MTMR2: variants seen among roughly 807,000 people sequenced by gnomAD.
MTMR2 encodes myotubularin related protein 2.
Under a neutral mutation model 86.9 loss-of-function variants are expected in MTMR2, and 55 were observed. The ratio of observed to expected loss-of-function variants is 0.63; its 90% CI spans 0.51 to 0.79. The LOEUF (loss-of-function observed/expected upper bound fraction) is 0.79, where lower values mean the gene tolerates loss of function less well. Among genes scored for constraint, MTMR2 ranks in the 30% least tolerant of loss-of-function variants. MTMR2 has a pLI of 0.00. For missense variants in MTMR2, 659 were observed against 772.3 expected, an observed-to-expected ratio of 0.85 and a Z score of 1.74; for synonymous variants, 241 against 266.8, an observed-to-expected ratio of 0.90 and a Z score of 0.94.
chr11:95,837,064 C>T (rs897042711), intron 13 of MTMR2, among the ~76,000 whole-genome samples: 22 of 151,930 alleles, frequency 1.4e-4, no homozygotes, highest in Admixed American at 1.3e-3. Flanking sequence ...AAAAATAAAA[C>T]TCTTCGAAAC....
intron 13 of MTMR2, among the ~76,000 whole-genome samples, chr11:95,836,601 A>ATG (rs2135403186): frequency 6.6e-6 from 1 of 152,178 alleles, no homozygotes; most frequent in Admixed American, 6.6e-5. Flanking sequence ...TAGATGTTCA[A>ATG]AGCAGCATTA....
chr11:95,918,804 GAAAAACAACATAAA>G (rs1439124125), intron 1 of MTMR2, among the ~76,000 whole-genome samples: 2 of 152,102 alleles, frequency 1.3e-5, no homozygotes, highest in African/African-American at 2.4e-5. Context: ...ACCACTACTA[GAAAAACAACATAAA>G]AGCATATTTC....
chr11:95,908,422 AT>A (rs1418978268), intron 1 of MTMR2, among the ~76,000 whole-genome samples: 1 of 152,150 alleles, frequency 6.6e-6, no homozygotes, highest in Non-Finnish European at 1.5e-5. Flanking sequence ...ACCCTAAGCA[AT>A]TTACAGATTC....
intron 6 of MTMR2, among the ~76,000 whole-genome samples, chr11:95,857,941 C>G (rs1246920506): frequency 6.6e-6 from 1 of 152,106 alleles, no homozygotes; most frequent in African/African-American, 2.4e-5. Context: ...AAAGACATTA[C>G]ATTTAAACAC....
At chr11:95,905,501 G>A (rs1866239235) in intron 1 of MTMR2, among the ~76,000 whole-genome samples, 1 of 151,992 alleles carries the variant, frequency 6.6e-6, no homozygotes, top group Non-Finnish European at 1.5e-5. Flanking sequence ...TAAATTTAGA[G>A]CAAAAAACAA....
intron 3 of MTMR2, 37 bp downstream of exon 3, chr11:95,865,564 C>T (rs111578224): frequency 9.1e-6 from 14 of 1,541,840 alleles, no homozygotes; most frequent in African/African-American, 6.8e-5. Context: ...CACAGTAGAA[C>T]GGAGAAGGAC....
chr11:95,912,977 T>C (rs1293614868), intron 1 of MTMR2: 1 of 152,158 alleles, frequency 6.6e-6, no homozygotes, highest in Non-Finnish European at 1.5e-5. Flanking sequence ...CTCATTTTCG[T>C]AAGCATGAAA....
At chr11:95,841,162 T>C (rs1863529955) in intron 12 of MTMR2, among the ~76,000 whole-genome samples, 1 of 152,180 alleles carries the variant, frequency 6.6e-6, no homozygotes, top group Non-Finnish European at 1.5e-5. Flanking sequence ...ATGTAGTATG[T>C]GCCTCCCTTG....
chr11:95,917,805 G>A (rs72967779), intron 1 of MTMR2, among the ~76,000 whole-genome samples: 1,530 of 152,292 alleles, frequency 0.01, 7 homozygotes, highest in Non-Finnish European at 0.017. Flanking sequence ...AAAAGGAGGG[G>A]TTGGTCTTGC....
At chr11:95,879,729 A>T (rs530828721) in intron 2 of MTMR2, among the ~76,000 whole-genome samples, 1 of 152,228 alleles carries the variant, frequency 6.6e-6, no homozygotes, top group East Asian at 1.9e-4. Context: ...TTCATTTCAG[A>T]CTGCACATAT....
In MTMR2 at chr11:95,924,013, A is replaced by G; in HGVS notation, c.-59T>C. On this transcript the variant is annotated 5_prime_UTR_variant, in exon 1 of 15. Coordinates refer to ENST00000346299, the MANE Select transcript of MTMR2 (RefSeq NM_016156.6). ...GCAGTCTTCGCGGCTACAGGGCGGG[A>G]GAAGCGGAGGGCGGAGTGCTACGGA... The G allele has an allele frequency of 6.5e-7, 1 of 1,545,316 alleles. No individual in the cohort carries two copies. The highest frequency in any genetic ancestry group is 8.8e-7 in the Non-Finnish European group (1 of 1,142,778).
intron 1 of MTMR2, among the ~76,000 whole-genome samples, chr11:95,903,033 A>C (rs1866129588): frequency 6.6e-6 from 1 of 152,102 alleles, no homozygotes; most frequent in African/African-American, 2.4e-5. Flanking sequence ...ACTGATTCCA[A>C]TTTACATAAA....
At chr11:95,908,504 T>G (rs1399337479) in intron 1 of MTMR2, among the ~76,000 whole-genome samples, 1 of 152,162 alleles carries the variant, frequency 6.6e-6, no homozygotes, top group Non-Finnish European at 1.5e-5. Flanking sequence ...AAAATTCATC[T>G]GGAACCAAAA....
chr11:95,923,805 A>C, intron 1 of MTMR2, 70 bp downstream of exon 1: 24 of 1,518,078 alleles, frequency 1.6e-5, no homozygotes, highest in Non-Finnish European at 2.0e-5. Context: ...TTGGGGCAAC[A>C]ATCCAGCAGG....
chr11:95,916,316 T>G (rs1866702442), intron 1 of MTMR2, among the ~76,000 whole-genome samples: 1 of 152,160 alleles, frequency 6.6e-6, no homozygotes, highest in African/African-American at 2.4e-5. Flanking sequence ...CTTGTTTACC[T>G]ACGTATGGCC....
At chr11:95,836,942 C>T (rs750756205) in intron 13 of MTMR2, among the ~76,000 whole-genome samples, 1 of 151,844 alleles carries the variant, frequency 6.6e-6, no homozygotes, top group Non-Finnish European at 1.5e-5. Flanking sequence ...CTCAGATATA[C>T]TAAAAACCAG....
chr11:95,860,296 G>A (rs2135469422), intron 5 of MTMR2, among the ~76,000 whole-genome samples: 1 of 152,230 alleles, frequency 6.6e-6, no homozygotes, highest in East Asian at 1.9e-4. Flanking sequence ...GAGGCCAGGA[G>A]TTCAACACCA....
At chr11:95,889,425 G>A (rs896686696) in intron 1 of MTMR2, among the ~76,000 whole-genome samples, 4 of 149,974 alleles carry the variant, frequency 2.7e-5, no homozygotes, top group South Asian at 2.1e-4. Flanking sequence ...GAGCCACTGC[G>A]CCTGGCCAAA....
intron 1 of MTMR2, chr11:95,914,260 T>A (rs1866618943): frequency 1.0e-6 from 1 of 974,590 alleles, no homozygotes; most frequent in Non-Finnish European, 1.2e-6. Flanking sequence ...TTTTGAGATG[T>A]TTTATCTTCA....
Sources: allele counts gnomAD v4.1 joint callset (sites outside exome capture counted in the v4.1 genomes callset), GRCh38; gene constraint gnomAD v4.1.1; transcripts MANE v1.5; gene names NCBI Gene and HGNC (gene_info 2026-07-23, HGNC 2026-07-21).